The following GIT2 variants were observed in gnomAD, a reference collection of about 807,000 sequenced individuals.
GIT2 encodes GIT ArfGAP 2.
A neutral mutation model predicts 100.3 loss-of-function variants in GIT2; 32 were observed. That is an observed-to-expected ratio of 0.32 (90% CI 0.24 to 0.43). The LOEUF is 0.43. Ranked by LOEUF, GIT2 falls within the 20% of genes least tolerant of loss-of-function variation. GIT2 has a pLI of 1.00. For synonymous variants in GIT2, 353 were observed against 364.1 expected (o/e 0.97, Z 0.35); for missense variants, 737 against 975.1 (o/e 0.76, Z 3.25).
intron 4 of GIT2, among the ~76,000 whole-genome samples, chr12:109,986,216 C>T (rs1663016004): frequency 6.6e-6 from 1 of 152,058 alleles, no homozygotes; most frequent in South Asian, 2.1e-4. Flanking sequence ...AGCCTGATAC[C>T]AAAATCTGGC....
At chr12:109,967,646 A>G in intron 7 of GIT2, 143 bp from the exon 8 acceptor site, 1 of 655,672 alleles carries the variant, frequency 1.5e-6, no homozygotes, top group Non-Finnish European at 2.7e-6. Context: ...CTAGCTAAAA[A>G]TTCCTGAAGA....
At chr12:109,936,882 A>C (rs1263291359) in intron 18 of GIT2, among the ~76,000 whole-genome samples, 1 of 151,908 alleles carries the variant, frequency 6.6e-6, no homozygotes, top group Non-Finnish European at 1.5e-5. Context: ...AAAAAAAAAA[A>C]AAGCTCTGTA....
At position 109,947,001 on chromosome 12, in the gene GIT2, G is replaced by A. The variant is rs952468009; in HGVS notation, c.1641+255C>T. Reference sequence around the variant, plus strand: ...GGCTGGTTGAGAAATAATCATGGATGTGGGGGAGAAAAAAGCAGCAGTTCG... The same window carrying A: ...GGCTGGTTGAGAAATAATCATGGATATGGGGGAGAAAAAAGCAGCAGTTCG... On this transcript the variant is annotated intron_variant, in intron 15 of 19. Coordinates refer to ENST00000355312, the MANE Select transcript of GIT2 (RefSeq NM_057169.5). This position sits in a 1 kb window ranked among gnomAD's most constrained non-coding sequence, Gnocchi z 4.3. 1.3e-5 allele frequency among the ~76,000 whole-genome samples: 2 copies of A among 152,200 alleles called. No homozygotes were observed. Among genetic ancestry groups the A allele is most frequent in the African/African-American group, 2.4e-5 (1 of 41,444 alleles).
chr12:109,967,271 T>C, intron 8 of GIT2, 187 bp downstream of exon 8: 2 of 1,476,374 alleles, frequency 1.4e-6, no homozygotes, highest in Non-Finnish European at 1.9e-6. Context: ...AAATTGCTAC[T>C]TGTGCTCTTT....
chr12:109,937,650 C>A (rs1275762678), intron 18 of GIT2, among the ~76,000 whole-genome samples: 2 of 152,190 alleles, frequency 1.3e-5, no homozygotes, highest in East Asian at 3.8e-4. Flanking sequence ...TGCTTCTAGT[C>A]AGAGTAAACA....
chr12:109,951,143 T>C, intron 14 of GIT2, 24 bp downstream of exon 14: 1 of 1,603,990 alleles, frequency 6.2e-7, no homozygotes, highest in Non-Finnish European at 8.5e-7. Flanking sequence ...GCGTCAACCG[T>C]CCTGGCATTT....
intron 11 of GIT2, among the ~76,000 whole-genome samples, chr12:109,960,565 A>G (rs1339737862): frequency 6.6e-6 from 1 of 152,196 alleles, no homozygotes; most frequent in African/African-American, 2.4e-5. Flanking sequence ...TGGACAACAG[A>G]GCAAGACTCC....
intron 7 of GIT2, among the ~76,000 whole-genome samples, chr12:109,974,190 T>C (rs1432491447): frequency 6.6e-6 from 1 of 152,192 alleles, no homozygotes; most frequent in Non-Finnish European, 1.5e-5. Flanking sequence ...GAAAATATTT[T>C]TTCCCTTAAG....
At chr12:109,971,602 G>A (rs1883888974) in intron 7 of GIT2, among the ~76,000 whole-genome samples, 1 of 151,878 alleles carries the variant, frequency 6.6e-6, no homozygotes, top group Non-Finnish European at 1.5e-5. Flanking sequence ...GGGATTATAG[G>A]TGTGAGCCAC....
intron 1 of GIT2, among the ~76,000 whole-genome samples, chr12:109,992,271 C>T (rs993607207): frequency 1.3e-4 from 20 of 151,200 alleles, no homozygotes; most frequent in Non-Finnish European, 2.1e-4. Context: ...TTCAGCCTCC[C>T]GAGTAGCTGG....
chr12:109,977,084 T>C (rs974791190), intron 7 of GIT2, among the ~76,000 whole-genome samples: 7 of 152,204 alleles, frequency 4.6e-5, no homozygotes, highest in Non-Finnish European at 1.5e-5. Flanking sequence ...TAAAGAATAA[T>C]TCTTTTTTTT....
intron 8 of GIT2, 176 bp downstream of exon 8, chr12:109,967,282 G>A: frequency 6.5e-7 from 1 of 1,549,952 alleles, no homozygotes; most frequent in South Asian, 1.2e-5. Flanking sequence ...TGTGCTCTTT[G>A]AAACTTAAGT....
At position 109,933,869 on chromosome 12, in the gene GIT2, G is replaced by A. The variant is rs1392982229; in HGVS notation, c.2067+153C>T. On this transcript the variant is annotated intron_variant, in intron 19 of 19. Transcript: ENST00000355312. The surrounding 1 kb of genome is among the most constrained non-coding windows in gnomAD (Gnocchi z 4.5). ...GCCTGTCTCGGCCTCCCAAAGTGCT[G>A]GGGTTACAGGCGTGAGCCACCACAC... The A allele has an allele frequency of 2.7e-5, 17 of 623,326 alleles. No individual in the cohort carries two copies. The highest frequency in any genetic ancestry group is 2.2e-4 in the South Asian group (12 of 55,174). 38.6% of individuals were successfully genotyped at this position (623,326 alleles called of 1,614,324 possible).
intron 16 of GIT2, among the ~76,000 whole-genome samples, chr12:109,942,198 C>A (rs1874961787): frequency 6.6e-6 from 1 of 152,096 alleles, no homozygotes; most frequent in African/African-American, 2.4e-5. Context: ...TATACATATA[C>A]ACATATATGA....
intron 12 of GIT2, among the ~76,000 whole-genome samples, chr12:109,957,462 A>G (rs1879788629): frequency 1.3e-5 from 2 of 152,110 alleles, no homozygotes; most frequent in Non-Finnish European, 2.9e-5. Context: ...AGCCACACAA[A>G]AGGGACTAAG....
In GIT2 at chr12:109,939,167, C is replaced by T; in HGVS notation, c.1812G>A (p.Met604Ile). Residue 604 changes from methionine (M) to isoleucine (I), a missense_variant and splice_region_variant, in exon 17 of 20, where the codon ATG (methionine) becomes ATA (isoleucine). Met to Ile is a conservative substitution (Grantham distance 10, BLOSUM62 1). Around this residue, in one of 3 missense-constraint regions of GIT2, gnomAD observed 451 missense variants for 543.7 expected, o/e 0.83. Coordinates refer to ENST00000355312, the MANE Select transcript of GIT2 (RefSeq NM_057169.5). The stretch of plus-strand genomic sequence containing the variant: ...GCACGCTCGTCCTGTGCATGTACCC[C>T]ATGCCATCTGGCTCCATGTCGTTGG... ...NTPNDMEPDG[M>I]GSSRKGRQRS... 1 of 1,597,656 alleles carries T rather than the reference C, an allele frequency of 6.3e-7. No individual in the cohort carries two copies. The highest frequency in any genetic ancestry group is 8.6e-7 in the Non-Finnish European group (1 of 1,165,212).
intron 8 of GIT2, among the ~76,000 whole-genome samples, chr12:109,966,883 G>T (rs773847352): frequency 2.6e-5 from 4 of 152,152 alleles, no homozygotes; most frequent in Admixed American, 2.6e-4. Flanking sequence ...GTTGAGCTAG[G>T]AATGGTTTTT....
At chr12:109,977,086 C>CT (rs548585536) in intron 7 of GIT2, among the ~76,000 whole-genome samples, 32 of 152,114 alleles carry the variant, frequency 2.1e-4, no homozygotes, top group Non-Finnish European at 3.2e-4. Context: ...AAGAATAATT[C>CT]TTTTTTTTCC....
chr12:109,996,076 C>T lies in GIT2; in HGVS notation c.52+97G>A, dbSNP rs1889361214. 6.5e-6 allele frequency: 5 copies of T among 772,058 alleles called. No individual in the cohort carries two copies. The East Asian group carries it at 1.7e-4, about 26-fold the overall frequency. 47.8% of individuals were successfully genotyped at this position (772,058 alleles called of 1,614,324 possible). ...GCCCAGGGACCTCTTCGTTGCGACC[C>T]TAGCCGCGGGATGCAGCCTGACCTG... On this transcript the variant is annotated intron_variant, in intron 1 of 19. Transcript: ENST00000355312.
Sources: gnomAD v4.1 joint callset for allele counts (sites outside exome capture counted in the v4.1 genomes callset) on GRCh38, gnomAD v4.1.1 for gene constraint, gnomAD v4.1.1 regional missense constraint, Gnocchi (gnomAD v3.1) non-coding constraint, MANE v1.5 for transcripts, NCBI Gene and HGNC (gene_info 2026-07-23, HGNC 2026-07-21) for gene names.